The following NXPH1 variants were observed in gnomAD, a reference collection of about 807,000 sequenced individuals.
NXPH1 encodes neurexophilin-1.
NXPH1 carries 5 observed loss-of-function variants against 23.7 expected under a neutral mutation model. The ratio of observed to expected loss-of-function variants is 0.21; its 90% CI spans 0.11 to 0.44. The LOEUF (loss-of-function observed/expected upper bound fraction) is 0.44. Among genes scored for constraint, NXPH1 ranks in the 20% least tolerant of loss-of-function variants. The pLI is 0.99. For missense variants in NXPH1, 324 were observed against 321.6 expected, an observed-to-expected ratio of 1.01 and a Z score of -0.06; for synonymous variants, 144 against 122.2, an observed-to-expected ratio of 1.18 and a Z score of -1.18.
At chr7:8,544,937 G>A (rs968099910) in intron 2 of NXPH1, among the ~76,000 whole-genome samples, 1 of 151,518 alleles carries the variant, frequency 6.6e-6, no homozygotes, top group Non-Finnish European at 1.5e-5. Flanking sequence ...GCTTAGGGAA[G>A]CTATTTGACC....
At chr7:8,723,477 T>C (rs780980819) in intron 2 of NXPH1, among the ~76,000 whole-genome samples, 2 of 152,252 alleles carry the variant, frequency 1.3e-5, no homozygotes, top group Non-Finnish European at 2.9e-5. Context: ...TCTAGGTATT[T>C]TGCTCTTATT....
intron 2 of NXPH1, among the ~76,000 whole-genome samples, chr7:8,590,261 C>G (rs985081952): frequency 3.9e-5 from 6 of 152,074 alleles, no homozygotes; most frequent in Admixed American, 3.3e-4. Context: ...TCTCTACTTC[C>G]TTCCAAAATA....
At chr7:8,477,289 C>T (rs971162194) in intron 2 of NXPH1, among the ~76,000 whole-genome samples, 4 of 152,120 alleles carry the variant, frequency 2.6e-5, no homozygotes, top group Non-Finnish European at 5.9e-5. Flanking sequence ...TTTACTTACT[C>T]TTACTTGTTC....
chr7:8,686,138 A>C (rs1422414210), intron 2 of NXPH1, among the ~76,000 whole-genome samples: 1 of 152,214 alleles, frequency 6.6e-6, no homozygotes, highest in Non-Finnish European at 1.5e-5. Context: ...TAAAAAGTTA[A>C]GTATTTGATA....
intron 2 of NXPH1, among the ~76,000 whole-genome samples, chr7:8,536,929 T>C (rs1190937939): frequency 1.3e-5 from 2 of 151,956 alleles, no homozygotes; most frequent in African/African-American, 2.4e-5. Flanking sequence ...ATGGCAAGCC[T>C]TGATGGTGGC....
intron 2 of NXPH1, among the ~76,000 whole-genome samples, chr7:8,498,958 A>G (rs1817385564): frequency 6.6e-6 from 1 of 152,090 alleles, no homozygotes; most frequent in Non-Finnish European, 1.5e-5. Context: ...ATTTTATGTA[A>G]CATTTGAGTA....
intron 2 of NXPH1, among the ~76,000 whole-genome samples, chr7:8,600,600 G>C (rs951143685): frequency 1.3e-5 from 2 of 152,206 alleles, no homozygotes; most frequent in Non-Finnish European, 2.9e-5. Flanking sequence ...AGACGTAGAT[G>C]TTCAGAGCAG....
intron 2 of NXPH1, among the ~76,000 whole-genome samples, chr7:8,665,918 C>CT (rs869056537): frequency 3.7e-3 from 103 of 27,676 alleles, no homozygotes; most frequent in Middle Eastern, 0.12. Flanking sequence ...TTTTCTTTTT[C>CT]TTTTTTTTTT....
At chr7:8,524,157 G>A (rs1009101986) in intron 2 of NXPH1, among the ~76,000 whole-genome samples, 5 of 142,020 alleles carry the variant, frequency 3.5e-5, no homozygotes, top group African/African-American at 7.9e-5. Context: ...CAGGAGAATC[G>A]CTTGAACCTG....
rs1819369675 is a variant in NXPH1, at chr7:8,601,838, G to T, written c.55-149170G>T. On this transcript the variant is annotated intron_variant, in intron 2 of 2. Transcript: ENST00000405863. ...AATGCTATTCTAGGACCAGACTGCA[G>T]GATATTCGGTAAAATGCCATCATTT... is the stretch of plus-strand genomic sequence containing the variant. 3.3e-5 allele frequency among the ~76,000 whole-genome samples: 5 copies of T among 152,258 alleles called. No homozygotes were observed. In the South Asian group the frequency reaches 1.0e-3, roughly 32 times the overall value.
chr7:8,592,267 G>A (rs906773346), intron 2 of NXPH1, among the ~76,000 whole-genome samples: 5 of 152,072 alleles, frequency 3.3e-5, no homozygotes, highest in Middle Eastern at 3.4e-3. Context: ...GCAGAAGCTT[G>A]AAGAATTCAG....
At chr7:8,742,599 A>G in intron 2 of NXPH1, among the ~76,000 whole-genome samples, 1 of 118,270 alleles carries the variant, frequency 8.5e-6, no homozygotes, top group Non-Finnish European at 2.0e-5. Context: ...TAATTTATAA[A>G]ATAGACACCA....
intron 2 of NXPH1, among the ~76,000 whole-genome samples, chr7:8,639,464 A>G (rs1255337933): frequency 7.4e-6 from 1 of 135,698 alleles, no homozygotes; most frequent in Admixed American, 8.0e-5. Context: ...GGTGTAAAAG[A>G]AAAAAAAAAG....
At position 8,752,395 on chromosome 7, in the gene NXPH1, G is replaced by C. The variant is rs570793208; in HGVS notation, c.*626G>C. The C allele has an allele frequency of 2.6e-5, 4 of 152,716 alleles. No homozygotes were observed. In the South Asian group the frequency reaches 8.3e-4, roughly 32 times the overall value. 9.5% of individuals were successfully genotyped at this position (152,716 alleles called of 1,614,324 possible). Reference sequence around the variant, plus strand: ...AGTAGGCACATTCAAAGTGGTCCAAGATGGCTCTTTTTTCTTTGAAAGGGG... The same window carrying C: ...AGTAGGCACATTCAAAGTGGTCCAACATGGCTCTTTTTTCTTTGAAAGGGG... On this transcript the variant is annotated 3_prime_UTR_variant, in exon 3 of 3. Coordinates refer to ENST00000405863, the MANE Select transcript of NXPH1 (RefSeq NM_152745.3).
chr7:8,651,941 T>C (rs1348103467), intron 2 of NXPH1, among the ~76,000 whole-genome samples: 1 of 152,208 alleles, frequency 6.6e-6, no homozygotes, highest in Non-Finnish European at 1.5e-5. Context: ...CTACTTTGTC[T>C]TATTCTGTAT....
chr7:8,744,161 CAAAAG>C (rs1480464630), intron 2 of NXPH1, among the ~76,000 whole-genome samples: 2 of 152,066 alleles, frequency 1.3e-5, no homozygotes, highest in African/African-American at 4.8e-5. Context: ...TATATAGTCT[CAAAAG>C]AATCATATAT....
At chr7:8,569,479 A>G (rs1006452841) in intron 2 of NXPH1, among the ~76,000 whole-genome samples, 3 of 151,970 alleles carry the variant, frequency 2.0e-5, no homozygotes, top group African/African-American at 7.2e-5. Context: ...TCTGTTAGCA[A>G]TACATACTGA....
At chr7:8,681,333 T>C (rs1422936077) in intron 2 of NXPH1, among the ~76,000 whole-genome samples, 1 of 152,242 alleles carries the variant, frequency 6.6e-6, no homozygotes, top group Non-Finnish European at 1.5e-5. Context: ...TTTATGCTTC[T>C]TTCTGTGAAA....
intron 2 of NXPH1, among the ~76,000 whole-genome samples, chr7:8,746,188 G>T (rs1300348498): frequency 1.3e-5 from 2 of 152,030 alleles, no homozygotes; most frequent in South Asian, 2.1e-4. Flanking sequence ...AATTGGAGTT[G>T]TTAGTCTTGA....
Sources: gnomAD v4.1 joint callset for allele counts (sites outside exome capture counted in the v4.1 genomes callset) on GRCh38, gnomAD v4.1.1 for gene constraint, MANE v1.5 for transcripts, NCBI Gene and HGNC (gene_info 2026-07-23, HGNC 2026-07-21) for gene names.